SPATA16: variants seen among roughly 807,000 people sequenced by gnomAD.
The protein encoded by SPATA16 is spermatogenesis associated 16.
A neutral mutation model predicts 63.3 loss-of-function variants in SPATA16; 36 were observed. The observed-to-expected ratio is 0.57, with a 90% confidence interval of 0.44 to 0.75. The LOEUF is 0.75. SPATA16 is among the 30% of genes least tolerant of loss of function. The pLI is 0.00. For missense variants in SPATA16, 646 were observed against 679.3 expected, an observed-to-expected ratio of 0.95 and a Z score of 0.54; for synonymous variants, 203 against 216.7, an observed-to-expected ratio of 0.94 and a Z score of 0.56.
intron 7 of SPATA16, 29 bp from the exon 8 acceptor site, chr3:172,924,346 C>A (rs750552070): frequency 2.7e-5 from 42 of 1,529,730 alleles, no homozygotes; most frequent in Non-Finnish European, 3.7e-5. Flanking sequence ...AACTTTTATA[C>A]TATTTTCTCC....
At chr3:172,904,697 ATGT>A (rs1266210833) in intron 10 of SPATA16, among the ~76,000 whole-genome samples, 2 of 152,298 alleles carry the variant, frequency 1.3e-5, no homozygotes, top group African/African-American at 4.8e-5. Context: ...GAGGAGAAAG[ATGT>A]TGGTTTAAAT....
intron 2 of SPATA16, among the ~76,000 whole-genome samples, chr3:173,095,537 T>C (rs1274511353): frequency 6.6e-6 from 1 of 152,180 alleles, no homozygotes; most frequent in East Asian, 1.9e-4. Flanking sequence ...AAGTTCAGCA[T>C]AGGTTTTCTG....
At chr3:173,036,014 G>A (rs1398313992) in intron 3 of SPATA16, among the ~76,000 whole-genome samples, 3 of 150,552 alleles carry the variant, frequency 2.0e-5, no homozygotes, top group Admixed American at 2.0e-4. Context: ...TTTAACATTT[G>A]GTAGGATGAT....
chr3:172,935,133 G>A (rs1460930559), intron 6 of SPATA16, among the ~76,000 whole-genome samples: 2 of 152,052 alleles, frequency 1.3e-5, no homozygotes, highest in Admixed American at 6.6e-5. Context: ...GTTCACTAAG[G>A]TATCAAAAAA....
chr3:172,915,164 C>T (rs1330853236), intron 9 of SPATA16, among the ~76,000 whole-genome samples: 1 of 152,126 alleles, frequency 6.6e-6, no homozygotes, highest in East Asian at 1.9e-4. Context: ...CTTTTGCACA[C>T]AACCATAAAG....
At chr3:172,914,274 ATT>A (rs1291557407) in intron 9 of SPATA16, among the ~76,000 whole-genome samples, 6 of 152,016 alleles carry the variant, frequency 3.9e-5, no homozygotes, top group African/African-American at 1.4e-4. Flanking sequence ...TTTAGGTCCC[ATT>A]CGAAGGCAAG....
intron 10 of SPATA16, among the ~76,000 whole-genome samples, chr3:172,905,815 T>C (rs1038448840): frequency 5.3e-5 from 8 of 152,234 alleles, no homozygotes; most frequent in Admixed American, 2.0e-4. Context: ...GGAGGTACTA[T>C]ATTATATTAG....
intron 3 of SPATA16, among the ~76,000 whole-genome samples, chr3:173,039,214 A>G (rs1023533858): frequency 4.6e-5 from 7 of 152,280 alleles, no homozygotes; most frequent in Non-Finnish European, 1.0e-4. Flanking sequence ...GGTTGCAGAA[A>G]AGCCTAAATG....
rs1399763870 is a variant in SPATA16, at chr3:173,019,579, T to TA, written c.759-5dup. 6.2e-7 allele frequency: 1 copy of TA among 1,613,190 alleles called. No homozygotes were observed. Among genetic ancestry groups the TA allele is most frequent in the Admixed American group, 1.7e-5 (1 of 60,006 alleles). On this transcript the variant is annotated splice_region_variant and splice_polypyrimidine_tract_variant and intron_variant, in intron 3 of 10. Coordinates refer to ENST00000351008, the MANE Select transcript of SPATA16 (RefSeq NM_031955.6). ...GGCTGGGTTTAAAACAATGCTCCTG[T>TA]AAAAAGGTAAAAGAAATGCAAATGT...
intron 9 of SPATA16, among the ~76,000 whole-genome samples, chr3:172,915,434 T>TA (rs1432865501): frequency 6.6e-6 from 1 of 152,240 alleles, no homozygotes; most frequent in East Asian, 1.9e-4. Flanking sequence ...AAATTACAGG[T>TA]AATCAGTTTG....
chr3:173,001,972 C>G (rs1734838235), intron 4 of SPATA16, among the ~76,000 whole-genome samples: 1 of 152,094 alleles, frequency 6.6e-6, no homozygotes, highest in Non-Finnish European at 1.5e-5. Flanking sequence ...TTCTTCCATT[C>G]TTTCTACATT....
intron 6 of SPATA16, among the ~76,000 whole-genome samples, chr3:172,926,860 G>A (rs1432686482): frequency 1.3e-5 from 2 of 152,140 alleles, no homozygotes; most frequent in Non-Finnish European, 2.9e-5. Flanking sequence ...TTTCTCAAAC[G>A]AAGGATGATG....
chr3:173,131,971 A>C (rs886585472), intron 1 of SPATA16, among the ~76,000 whole-genome samples: 12 of 152,308 alleles, frequency 7.9e-5, no homozygotes, highest in Non-Finnish European at 1.8e-4. Context: ...CAATTAAAAA[A>C]AAACAAATGA....
chr3:172,940,332 A>G (rs562981957), intron 6 of SPATA16, among the ~76,000 whole-genome samples: 1 of 152,316 alleles, frequency 6.6e-6, no homozygotes, highest in African/African-American at 2.4e-5. Context: ...GGAACCTGAC[A>G]CTAACTCTAT....
chr3:173,090,314 T>C (rs73046905), intron 2 of SPATA16, among the ~76,000 whole-genome samples: 4,499 of 152,240 alleles, frequency 0.03, 201 homozygotes, highest in African/African-American at 0.1. Context: ...TTTCACCTTC[T>C]GCAATAATTG....
intron 2 of SPATA16, among the ~76,000 whole-genome samples, chr3:173,051,395 G>C (rs1236110466): frequency 6.6e-6 from 1 of 152,086 alleles, no homozygotes; most frequent in African/African-American, 2.4e-5. Context: ...GTAGAGACGG[G>C]GTTTCACCGT....
chr3:172,971,448 A>G (rs1734045630), intron 5 of SPATA16, among the ~76,000 whole-genome samples: 1 of 152,200 alleles, frequency 6.6e-6, no homozygotes. Context: ...GCTTTTTGCA[A>G]TGCATTTTGA....
intron 4 of SPATA16, among the ~76,000 whole-genome samples, chr3:173,006,851 A>T (rs2108268996): frequency 6.6e-6 from 1 of 152,324 alleles, no homozygotes; most frequent in Non-Finnish European, 1.5e-5. Context: ...CCAAGAAAAA[A>T]AAAAGAAAGA....
At chr3:173,030,728 T>C (rs974045588) in intron 3 of SPATA16, among the ~76,000 whole-genome samples, 24 of 152,214 alleles carry the variant, frequency 1.6e-4, no homozygotes, top group African/African-American at 5.8e-4. Context: ...CACTCCTGTG[T>C]ATATACCTAA....
Sources: allele counts gnomAD v4.1 joint callset (sites outside exome capture counted in the v4.1 genomes callset), GRCh38; gene constraint gnomAD v4.1.1; transcripts MANE v1.5; gene names NCBI Gene and HGNC (gene_info 2026-07-23, HGNC 2026-07-21).